Variants in FNDC7 observed in about 807,000 individuals in gnomAD.
FNDC7 encodes the protein fibronectin type III domain-containing protein 7.
A neutral mutation model predicts 74.2 loss-of-function variants in FNDC7; 66 were observed. That is an observed-to-expected ratio of 0.89 (90% CI 0.73 to 1.09). The LOEUF is 1.09. Among genes scored for constraint, FNDC7 ranks in the 50% least tolerant of loss-of-function variants. FNDC7 has a pLI of 0.00. For missense variants in FNDC7, 829 were observed against 893.4 expected, an observed-to-expected ratio of 0.93 and a Z score of 0.92; for synonymous variants, 307 against 330.2, an observed-to-expected ratio of 0.93 and a Z score of 0.76.
intron 2 of FNDC7, among the ~76,000 whole-genome samples, chr1:108,715,503 G>T (rs1660951660): frequency 6.6e-6 from 1 of 152,126 alleles, no homozygotes; most frequent in Non-Finnish European, 1.5e-5. Context: ...CCTAAAACCA[G>T]GTGTAAAACA....
intron 9 of FNDC7, among the ~76,000 whole-genome samples, 156 bp from the exon 10 acceptor site, chr1:108,733,116 C>T (rs972515767): frequency 2.0e-5 from 3 of 152,070 alleles, no homozygotes; most frequent in Non-Finnish European, 4.4e-5. Context: ...GGAAATAACT[C>T]GAGTACCCCT....
intron 9 of FNDC7, 95 bp downstream of exon 9, chr1:108,731,023 T>C: frequency 1.5e-6 from 2 of 1,339,026 alleles, no homozygotes; most frequent in Non-Finnish European, 2.0e-6. Context: ...ATGCTGCATC[T>C]CCACCTAGTT....
rs143453186 is a variant in FNDC7 at position 108,729,167 on chromosome 1, A to G, written c.1624+281A>G. On this transcript the variant is annotated intron_variant, in intron 8 of 12. Transcript: ENST00000370017. ...TGAATTCATATTCCCCTATGATATAATCTATCGAAACAGCTAACAAATGAG... is the reference window on the plus strand; with the variant it reads ...TGAATTCATATTCCCCTATGATATAGTCTATCGAAACAGCTAACAAATGAG... Among the ~76,000 whole-genome samples, 155 of 152,344 alleles carry G rather than the reference A, an allele frequency of 1.0e-3. 2 individuals are homozygous for G. Among genetic ancestry groups the G allele is most frequent in the African/African-American group, 3.6e-3 (150 of 41,574 alleles).
intron 3 of FNDC7, 45 bp downstream of exon 3, chr1:108,718,076 C>T (rs1179000907): frequency 3.2e-6 from 5 of 1,542,072 alleles, no homozygotes; most frequent in Non-Finnish European, 4.4e-6. Flanking sequence ...TTGCTTGTGA[C>T]TTGGATCAGT....
intron 1 of FNDC7, among the ~76,000 whole-genome samples, chr1:108,713,236 T>C (rs1056346404): frequency 4.6e-5 from 7 of 152,178 alleles, no homozygotes; most frequent in African/African-American, 1.7e-4. Flanking sequence ...TGTCAGCAGC[T>C]ACTGACTTAG....
intron 9 of FNDC7, among the ~76,000 whole-genome samples, chr1:108,732,219 C>T (rs976928458): frequency 2.1e-4 from 31 of 151,106 alleles, no homozygotes; most frequent in Non-Finnish European, 3.8e-4. Flanking sequence ...AATAGCCAGG[C>T]GTGGTGGCGG....
intron 3 of FNDC7, 82 bp downstream of exon 3, chr1:108,718,113 T>G: frequency 6.7e-7 from 1 of 1,501,124 alleles, no homozygotes; most frequent in Non-Finnish European, 9.0e-7. Context: ...ATGCAGAATG[T>G]GATTTGGTGT....
At chr1:108,738,270 T>A (rs2101091721) in intron 11 of FNDC7, among the ~76,000 whole-genome samples, 1 of 152,140 alleles carries the variant, frequency 6.6e-6, no homozygotes, top group Middle Eastern at 3.4e-3. Flanking sequence ...GAAAGGGCAG[T>A]TGGAATAAAG....
At chr1:108,723,472 G>T (rs1661140193) in intron 5 of FNDC7, among the ~76,000 whole-genome samples, 1 of 151,372 alleles carries the variant, frequency 6.6e-6, no homozygotes, top group Admixed American at 6.6e-5. Flanking sequence ...TCATCAAGTT[G>T]ATGCACTCCA....
intron 8 of FNDC7, 47 bp downstream of exon 8, chr1:108,728,933 A>G (rs769059116): frequency 6.3e-7 from 1 of 1,595,768 alleles, no homozygotes; most frequent in Admixed American, 1.7e-5. Flanking sequence ...TGGGGTCCTT[A>G]TGGAGTGTTT....
Position 108,728,864 on chromosome 1 carries a change from C to A in FNDC7, c.1602C>A (p.Ser534Arg). 6.2e-7 allele frequency: 1 copy of A among 1,614,124 alleles called. No homozygotes were observed. Among genetic ancestry groups the A allele is most frequent in the Non-Finnish European group, 8.5e-7 (1 of 1,180,004 alleles). ...AETQAGRSLP[S>R]YSVPLETVPC... ...CACAGGCAGGACGGAGCCTGCCCAG[C>A]TACAGTGTGCCCCTGGAAACAGGTA... Residue 534 changes from serine (S) to arginine (R), a missense_variant, in exon 8 of 13, where the codon AGC (serine) becomes AGA (arginine). Transcript: ENST00000370017.
At chr1:108,732,363 A>C (rs1661407324) in intron 9 of FNDC7, among the ~76,000 whole-genome samples, 1 of 151,352 alleles carries the variant, frequency 6.6e-6, no homozygotes, top group Non-Finnish European at 1.5e-5. Context: ...AAAAAAAAAT[A>C]CTAATCAGCT....
chr1:108,729,855 C>G (rs1661303924), intron 8 of FNDC7, among the ~76,000 whole-genome samples: 1 of 152,098 alleles, frequency 6.6e-6, no homozygotes, highest in African/African-American at 2.4e-5. Context: ...AGATAGAGAC[C>G]ATACAAAATA....
At chr1:108,719,600 C>G (rs537868597) in intron 4 of FNDC7, among the ~76,000 whole-genome samples, 1 of 152,278 alleles carries the variant, frequency 6.6e-6, no homozygotes, top group Admixed American at 6.5e-5. Context: ...CATGGGGCTT[C>G]CCACTATTGC....
At chr1:108,741,025 A>T (rs916082982) in intron 11 of FNDC7, among the ~76,000 whole-genome samples, 1 of 152,226 alleles carries the variant, frequency 6.6e-6, no homozygotes, top group Non-Finnish European at 1.5e-5. Flanking sequence ...AACCTCTTAG[A>T]AATGCAATTT....
In FNDC7 at chr1:108,727,797, C is replaced by G. The variant is rs759240082; in HGVS notation, c.1112-11C>G. On this transcript the variant is annotated splice_polypyrimidine_tract_variant and intron_variant, in intron 6 of 12. Coordinates refer to ENST00000370017, the MANE Select transcript of FNDC7 (RefSeq NM_001144937.3). ...ATGGGACCGCCATTTTCCCTCTGCTCCTGCTTTCAGCTCCCTGTTGTCCTA... is the reference window on the plus strand; with the variant it reads ...ATGGGACCGCCATTTTCCCTCTGCTGCTGCTTTCAGCTCCCTGTTGTCCTA... 2.3e-5 allele frequency: 37 copies of G among 1,613,748 alleles called. No homozygotes were observed. Among genetic ancestry groups the G allele is most frequent in the Non-Finnish European group, 3.1e-5 (37 of 1,179,828 alleles).
chr1:108,733,357 C>T lies in FNDC7; in HGVS notation c.1965C>T (p.Ala655=). The T allele has an allele frequency of 6.2e-7, 1 of 1,614,140 alleles. No individual in the cohort carries two copies. Among genetic ancestry groups the T allele is most frequent in the Non-Finnish European group, 8.5e-7 (1 of 1,180,038 alleles). ...RIYWQASRGS[A]NYSTDLYGSK... is the part of the protein sequence containing the mutation. Reference sequence around the variant, plus strand: ...ACTGGCAAGCCTCCAGGGGCTCTGCCAATTACAGCACTGACCTCTATGGCT... The same window carrying T: ...ACTGGCAAGCCTCCAGGGGCTCTGCTAATTACAGCACTGACCTCTATGGCT... The change falls in exon 10 of 13, where the codon GCC becomes GCT. Residue 655 remains alanine, a synonymous_variant. Coordinates refer to ENST00000370017, the MANE Select transcript of FNDC7 (RefSeq NM_001144937.3).
At chr1:108,739,715 G>A (rs1268849284) in intron 11 of FNDC7, among the ~76,000 whole-genome samples, 1 of 152,160 alleles carries the variant, frequency 6.6e-6, no homozygotes, top group Non-Finnish European at 1.5e-5. Context: ...ATTTCCATCA[G>A]GTTCCCAGGT....
chr1:108,732,458 C>T (rs949972984), intron 9 of FNDC7, among the ~76,000 whole-genome samples: 4 of 151,960 alleles, frequency 2.6e-5, no homozygotes, highest in South Asian at 2.1e-4. Flanking sequence ...CTACTCATCT[C>T]GGCAAAATTG....
Sources: allele counts gnomAD v4.1 joint callset (sites outside exome capture counted in the v4.1 genomes callset), GRCh38; gene constraint gnomAD v4.1.1; transcripts MANE v1.5; gene names NCBI Gene and HGNC (gene_info 2026-07-23, HGNC 2026-07-21).